TANK: variants seen among roughly 807,000 people sequenced by gnomAD.
TANK encodes TRAF family member-associated NF-kappa-B activator.
A neutral mutation model predicts 43.6 loss-of-function variants in TANK; 15 were observed. That is an observed-to-expected ratio of 0.34 (90% confidence interval 0.23 to 0.53). The LOEUF (loss-of-function observed/expected upper bound fraction) is 0.53. Among genes scored for constraint, TANK ranks in the 20% least tolerant of loss-of-function variants. The pLI is 0.94. For synonymous variants in TANK, 162 were observed against 178.2 expected (o/e 0.91, Z 0.73); for missense variants, 417 against 498.6 (o/e 0.84, Z 1.56).
chr2:161,217,621 G>A (rs1478496971), intron 4 of TANK, among the ~76,000 whole-genome samples: 1 of 151,706 alleles, frequency 6.6e-6, no homozygotes, highest in Non-Finnish European at 1.5e-5. Context: ...GTGTGTGTGT[G>A]TGTGTGTGTT....
intron 1 of TANK, among the ~76,000 whole-genome samples, chr2:161,174,218 T>A (rs142987257): frequency 6.2e-4 from 95 of 152,260 alleles, no homozygotes; most frequent in Admixed American, 2.2e-3. Flanking sequence ...AAATTGCAGA[T>A]CTGGGGTCTG....
In TANK at chr2:161,183,035, T is replaced by C. The variant is rs184737331; in HGVS notation, c.99+3274T>C. Among the ~76,000 whole-genome samples the C allele has an allele frequency of 4.6e-5, 7 of 152,274 alleles. No homozygotes were observed. The East Asian group carries it at 1.4e-3, about 29-fold the overall frequency. On this transcript the variant is annotated intron_variant, in intron 2 of 7. Transcript: ENST00000392749. ...TGTGAGAGTTACGAGCTAGGAACCA[T>C]GGACAAAAACCTAATCATAATGCCA...
chr2:161,218,002 A>C (rs929092180), intron 4 of TANK, among the ~76,000 whole-genome samples: 1 of 152,174 alleles, frequency 6.6e-6, no homozygotes, highest in Non-Finnish European at 1.5e-5. Context: ...CAAATGCTTA[A>C]CTTCTATGCC....
chr2:161,159,429 G>A (rs193080090), upstream of TANK, among the ~76,000 whole-genome samples: 1 of 152,206 alleles, frequency 6.6e-6, no homozygotes, highest in East Asian at 1.9e-4. Context: ...GTACTGTATT[G>A]TGATGTTTAA....
chr2:161,151,480 A>G (rs1684079347), intron 1 of TANK, among the ~76,000 whole-genome samples: 1 of 152,034 alleles, frequency 6.6e-6, no homozygotes, highest in African/African-American at 2.4e-5. Context: ...TATAATTGCT[A>G]TATCTTCTTG....
chr2:161,218,130 C>T (rs1346152527), intron 4 of TANK, among the ~76,000 whole-genome samples: 1 of 152,038 alleles, frequency 6.6e-6, no homozygotes. Context: ...TTTGGATGTA[C>T]ATTTCTATTT....
intron 1 of TANK, among the ~76,000 whole-genome samples, chr2:161,168,947 A>G (rs1345981971): frequency 6.6e-6 from 1 of 152,240 alleles, no homozygotes; most frequent in East Asian, 1.9e-4. Flanking sequence ...AGAACTCTTA[A>G]TCTAGCCAAA....
At chr2:161,214,906 G>T (rs943511096) in intron 4 of TANK, among the ~76,000 whole-genome samples, 1 of 152,166 alleles carries the variant, frequency 6.6e-6, no homozygotes, top group African/African-American at 2.4e-5. Context: ...TACATGCAAT[G>T]GTTACATTAA....
At chr2:161,152,602 AT>A (rs2105230890) in intron 1 of TANK, among the ~76,000 whole-genome samples, 1 of 152,270 alleles carries the variant, frequency 6.6e-6, no homozygotes, top group African/African-American at 2.4e-5. Flanking sequence ...TGCCTCAAAA[AT>A]TGAGAGTATC....
intron 1 of TANK, among the ~76,000 whole-genome samples, chr2:161,151,920 T>G (rs1342465958): frequency 6.6e-6 from 1 of 152,154 alleles, no homozygotes; most frequent in Non-Finnish European, 1.5e-5. Flanking sequence ...TTTTATTCCC[T>G]TCTCATTTTC....
chr2:161,224,931 G>GT (rs1178301933), intron 6 of TANK, among the ~76,000 whole-genome samples, 185 bp downstream of exon 6: 1 of 151,774 alleles, frequency 6.6e-6, no homozygotes, highest in Non-Finnish European at 1.5e-5. Context: ...GTAATTGTTG[G>GT]TTTTTTTCTC....
intron 6 of TANK, 124 bp downstream of exon 6, chr2:161,224,870 C>T (rs757464352): frequency 1.1e-5 from 6 of 554,592 alleles, no homozygotes; most frequent in South Asian, 3.3e-5. Flanking sequence ...CCCTCATCCA[C>T]GTATGTTTGA....
chr2:161,223,926 A>G lies in TANK; in HGVS notation c.339A>G (p.Gln113=). The change falls in exon 5 of 8, where the codon CAA becomes CAG. Residue 113 remains glutamine, a synonymous_variant. Transcript: ENST00000392749. The stretch of plus-strand genomic sequence containing the variant: ...TTTGTATGTTTAAGGTAAGAAGACA[A>G]GAGGTTTCTTCTCCTAGAAAAGAAA... ...AREKLPKVRR[Q]EVSSPRKETS... The G allele has an allele frequency of 6.2e-7, 1 of 1,600,546 alleles. No individual in the cohort carries two copies. Among genetic ancestry groups the G allele is most frequent in the Non-Finnish European group, 8.5e-7 (1 of 1,170,482 alleles).
At chr2:161,167,846 G>C (rs1019661265) in intron 1 of TANK, among the ~76,000 whole-genome samples, 1 of 151,912 alleles carries the variant, frequency 6.6e-6, no homozygotes, top group Non-Finnish European at 1.5e-5. Flanking sequence ...GGATGGTCTC[G>C]ATCTCCTGAC....
At chr2:161,167,382 C>A (rs1253448278) in intron 1 of TANK, among the ~76,000 whole-genome samples, 2 of 152,144 alleles carry the variant, frequency 1.3e-5, no homozygotes, top group African/African-American at 4.8e-5. Flanking sequence ...CACTACTTAC[C>A]CTTGATTACT....
At chr2:161,179,031 G>T (rs1226602295) in intron 1 of TANK, among the ~76,000 whole-genome samples, 1 of 152,152 alleles carries the variant, frequency 6.6e-6, no homozygotes, top group African/African-American at 2.4e-5. Context: ...AGTCGGTAGT[G>T]GGGGTAGGAC....
chr2:161,195,807 G>C (rs905104088), intron 2 of TANK, among the ~76,000 whole-genome samples: 2 of 152,134 alleles, frequency 1.3e-5, no homozygotes, highest in African/African-American at 4.8e-5. Context: ...GGGGCCAGGC[G>C]CAGTGGCTCA....
chr2:161,173,261 A>G (rs751935733), intron 1 of TANK, among the ~76,000 whole-genome samples: 4 of 152,106 alleles, frequency 2.6e-5, no homozygotes, highest in African/African-American at 9.7e-5. Flanking sequence ...CCTCGCTATC[A>G]TCTCTGCACA....
At chr2:161,156,165 A>C (rs901574305), upstream of TANK, 215 of 985,238 alleles carry the variant, frequency 2.2e-4, 1 homozygote, top group Non-Finnish European at 1.7e-4. Flanking sequence ...TTGGGGCATA[A>C]TCTTTCTACC....
Sources: allele counts gnomAD v4.1 joint callset (sites outside exome capture counted in the v4.1 genomes callset), GRCh38; gene constraint gnomAD v4.1.1; transcripts MANE v1.5; gene names NCBI Gene and HGNC (gene_info 2026-07-23, HGNC 2026-07-21).